The following CERT1 variants were observed in gnomAD, a reference collection of about 807,000 sequenced individuals.
CERT1 encodes ceramide transporter 1, also known as ceramide transfer protein.
In CERT1, 31 loss-of-function variants were observed where a neutral mutation model predicts 87.9. The observed-to-expected ratio is 0.35, with a 90% CI of 0.27 to 0.48. The LOEUF (loss-of-function observed/expected upper bound fraction) is 0.48, where lower values mean the gene tolerates loss of function less well. CERT1 is among the 20% of genes least tolerant of loss of function. The pLI is 0.99. For missense variants in CERT1, 487 were observed against 758.0 expected (o/e 0.64, Z 4.20); for synonymous variants, 289 against 250.9 (o/e 1.15, Z -1.44).
intron 12 of CERT1, among the ~76,000 whole-genome samples, chr5:75,387,835 G>C (rs991339735): frequency 1.3e-5 from 2 of 152,120 alleles, no homozygotes; most frequent in Non-Finnish European, 2.9e-5. Flanking sequence ...TCTCTTTAGA[G>C]AGTAACTTTA....
chr5:75,446,589 T>G (rs1450112205), intron 3 of CERT1, among the ~76,000 whole-genome samples: 2 of 152,206 alleles, frequency 1.3e-5, no homozygotes, highest in Non-Finnish European at 2.9e-5. Context: ...TGTTGAAAAC[T>G]GGAACTTTGA....
At chr5:75,497,904 CAGA>C (rs1189060923) in intron 2 of CERT1, among the ~76,000 whole-genome samples, 5 of 152,070 alleles carry the variant, frequency 3.3e-5, no homozygotes, top group East Asian at 1.9e-4. Context: ...TTTGGAGGTT[CAGA>C]AGAAGACAGG....
intron 2 of CERT1, among the ~76,000 whole-genome samples, chr5:75,492,992 G>A (rs896221529): frequency 6.6e-6 from 1 of 152,194 alleles, no homozygotes; most frequent in Admixed American, 6.5e-5. Context: ...TTTCTAACAA[G>A]TTCACAGTTT....
downstream of CERT1, chr5:75,374,001 G>A: frequency 2.5e-6 from 1 of 398,296 alleles, no homozygotes. Flanking sequence ...GCTGAGCAAG[G>A]AGATCTAGCA....
rs1013714362 is a variant in CERT1, at chr5:75,385,793, T to C, written c.1417+109A>G. 3.6e-6 allele frequency: 3 copies of C among 838,138 alleles called. No individual in the cohort carries two copies. The African/African-American group carries it at 5.3e-5, about 15-fold the overall frequency. 51.9% of individuals were successfully genotyped at this position (838,138 alleles called of 1,614,324 possible). On this transcript the variant is annotated intron_variant, in intron 13 of 16. Transcript: ENST00000643780. ...CTAGTCCTCTATATGATTTTCCAAA[T>C]ACTTTCTACGTTGACTTTGTAAACT...
chr5:75,431,897 T>C (rs1373145976), intron 3 of CERT1, among the ~76,000 whole-genome samples: 2 of 152,216 alleles, frequency 1.3e-5, no homozygotes, highest in African/African-American at 2.4e-5. Context: ...GTGGTCTTTA[T>C]GGAGGAATGA....
chr5:75,462,828 C>A (rs1765294588), intron 2 of CERT1, among the ~76,000 whole-genome samples: 3 of 151,572 alleles, frequency 2.0e-5, no homozygotes, highest in African/African-American at 7.3e-5. Flanking sequence ...CCCATCTCTA[C>A]TAAAAATACA....
At chr5:75,465,453 G>T (rs1254342819) in intron 2 of CERT1, among the ~76,000 whole-genome samples, 2 of 152,194 alleles carry the variant, frequency 1.3e-5, no homozygotes, top group Admixed American at 1.3e-4. Context: ...ACAGCTAAAT[G>T]AATCCTATTA....
At chr5:75,457,138 T>C (rs1195431145) in intron 3 of CERT1, among the ~76,000 whole-genome samples, 1 of 152,216 alleles carries the variant, frequency 6.6e-6, no homozygotes, top group East Asian at 1.9e-4. Flanking sequence ...GTTCTCCTTA[T>C]ATGCACATTT....
chr5:75,483,776 A>G (rs1172086556), intron 2 of CERT1, among the ~76,000 whole-genome samples: 1 of 152,154 alleles, frequency 6.6e-6, no homozygotes, highest in African/African-American at 2.4e-5. Context: ...ACTTTCACAG[A>G]AAAACAAAAG....
intron 2 of CERT1, among the ~76,000 whole-genome samples, chr5:75,484,910 A>G (rs1766435859): frequency 6.6e-6 from 1 of 152,192 alleles, no homozygotes; most frequent in Non-Finnish European, 1.5e-5. Context: ...CAACAGTTGT[A>G]GAGGACACAT....
intron 2 of CERT1, among the ~76,000 whole-genome samples, chr5:75,488,485 AATT>A (rs1208457948): frequency 5.9e-5 from 9 of 152,142 alleles, no homozygotes; most frequent in African/African-American, 2.2e-4. Flanking sequence ...AAAACTAATA[AATT>A]ATTTGCAAAT....
chr5:75,375,230 G>A (rs887196145), downstream of CERT1: 1 of 153,074 alleles, frequency 6.5e-6, no homozygotes, highest in African/African-American at 2.4e-5. Flanking sequence ...CAAGCTATGA[G>A]AGAGAGGCCT....
chr5:75,432,254 G>T, intron 3 of CERT1, among the ~76,000 whole-genome samples: 1 of 151,904 alleles, frequency 6.6e-6, no homozygotes, highest in East Asian at 1.9e-4. Context: ...ACAGGGTTTT[G>T]CCATGTTAGC....
intron 3 of CERT1, among the ~76,000 whole-genome samples, chr5:75,439,473 A>T (rs988055478): frequency 1.3e-5 from 2 of 152,064 alleles, no homozygotes; most frequent in African/African-American, 4.8e-5. Context: ...GAAATTAAGT[A>T]ACTTCCTCAT....
At position 75,453,011 on chromosome 5, in the gene CERT1, C is replaced by T. The variant is rs528416482; in HGVS notation, c.348+6054G>A. On this transcript the variant is annotated intron_variant, in intron 3 of 16. Transcript: ENST00000643780. ...ATATAATTTTTGAATTTAAGAATGA[C>T]CTCGGGAATAACTTTTTTCTGCAGG... 1.8e-4 allele frequency among the ~76,000 whole-genome samples: 27 copies of T among 152,126 alleles called. 2 individuals are homozygous for T. In the South Asian group the frequency reaches 5.2e-3, roughly 29 times the overall value.
intron 5 of CERT1, among the ~76,000 whole-genome samples, chr5:75,419,979 CTT>C (rs1273635169): frequency 1.1e-4 from 15 of 141,820 alleles, no homozygotes; most frequent in Admixed American, 1.4e-4. Flanking sequence ...AAGAGTTGTT[CTT>C]TTTTTTTTTT....
chr5:75,462,313 C>A (rs548364675), intron 2 of CERT1, among the ~76,000 whole-genome samples: 1 of 152,146 alleles, frequency 6.6e-6, no homozygotes, highest in Non-Finnish European at 1.5e-5. Flanking sequence ...AGACAGGTTG[C>A]GGGGAATGGT....
intron 13 of CERT1, among the ~76,000 whole-genome samples, chr5:75,385,461 G>A (rs186304126): frequency 8.1e-4 from 124 of 152,164 alleles, no homozygotes; most frequent in Admixed American, 2.0e-3. Context: ...TGACAAGAGC[G>A]AAACTCTGTC....
Sources: allele counts gnomAD v4.1 joint callset (sites outside exome capture counted in the v4.1 genomes callset), GRCh38; gene constraint gnomAD v4.1.1; transcripts MANE v1.5; gene names NCBI Gene and HGNC (gene_info 2026-07-23, HGNC 2026-07-21).